SGCD: variants seen among roughly 807,000 people sequenced by gnomAD.
The protein encoded by SGCD is delta-sarcoglycan.
In SGCD, 18 loss-of-function variants were observed where a neutral mutation model predicts 36.6. That is an observed-to-expected ratio of 0.49 (90% CI 0.34 to 0.73). SGCD has a LOEUF of 0.73. Among genes scored for constraint, SGCD ranks in the 30% least tolerant of loss-of-function variants. The pLI, the probability that SGCD is intolerant of heterozygous loss-of-function variation, is 0.01. For synonymous variants in SGCD, 133 were observed against 130.6 expected, an observed-to-expected ratio of 1.02 and a Z score of -0.12; for missense variants, 387 against 346.7, an observed-to-expected ratio of 1.12 and a Z score of -0.92.
chr5:156,454,864 G>A (rs184008976), intron 3 of SGCD, among the ~76,000 whole-genome samples: 2 of 152,178 alleles, frequency 1.3e-5, no homozygotes, highest in African/African-American at 4.8e-5. Flanking sequence ...TGTTGCTGAG[G>A]AACTGTGTGC....
At chr5:156,285,439 G>C (rs1488156559) in intron 3 of SGCD, among the ~76,000 whole-genome samples, 3 of 152,184 alleles carry the variant, frequency 2.0e-5, no homozygotes. Context: ...CACGGCTACA[G>C]TAACCAAAAC....
chr5:156,003,713 A>C (rs1231583245), intron 1 of SGCD, among the ~76,000 whole-genome samples: 1 of 152,158 alleles, frequency 6.6e-6, no homozygotes, highest in East Asian at 1.9e-4. Flanking sequence ...TTAATATCTA[A>C]ATTTCATTTT....
intron 3 of SGCD, among the ~76,000 whole-genome samples, chr5:156,165,525 G>A (rs1455961201): frequency 2.0e-5 from 3 of 152,146 alleles, no homozygotes; most frequent in Admixed American, 6.5e-5. Flanking sequence ...TGTCAAAAAT[G>A]CAAGATGATG....
chr5:156,401,626 A>G (rs1430540493), intron 3 of SGCD, among the ~76,000 whole-genome samples: 1 of 152,116 alleles, frequency 6.6e-6, no homozygotes. Context: ...TTTATTGAGA[A>G]CTCACTATGT....
intron 1 of SGCD, among the ~76,000 whole-genome samples, chr5:155,906,681 G>C (rs939688793): frequency 1.3e-5 from 2 of 152,122 alleles, no homozygotes; most frequent in African/African-American, 4.8e-5. Flanking sequence ...GAAGACGAGA[G>C]AGGTAAGGAA....
intron 1 of SGCD, among the ~76,000 whole-genome samples, chr5:156,044,298 A>T (rs1561694259): frequency 1.3e-5 from 2 of 152,190 alleles, no homozygotes; most frequent in African/African-American, 4.8e-5. Context: ...AAAATCAAAA[A>T]GTTGTATTTC....
intron 7 of SGCD, among the ~76,000 whole-genome samples, chr5:156,735,310 G>A (rs906916162): frequency 6.6e-6 from 1 of 152,106 alleles, no homozygotes; most frequent in Non-Finnish European, 1.5e-5. Context: ...CAGTCAGCTT[G>A]GACTCTCCAA....
chr5:155,992,687 A>C (rs1483505922), intron 1 of SGCD, among the ~76,000 whole-genome samples: 1 of 152,106 alleles, frequency 6.6e-6, no homozygotes, highest in Non-Finnish European at 1.5e-5. Flanking sequence ...GCATAAAACA[A>C]CCAGTTTACT....
At chr5:155,794,551 A>G in the SGCD span, among the ~76,000 whole-genome samples, 1 of 152,008 alleles carries the variant, frequency 6.6e-6, no homozygotes, top group Non-Finnish European at 1.5e-5. Flanking sequence ...TTCCATAAAT[A>G]AATTTAACAT....
At chr5:156,468,665 G>C (rs1351416515) in intron 3 of SGCD, among the ~76,000 whole-genome samples, 3 of 152,036 alleles carry the variant, frequency 2.0e-5, no homozygotes, top group East Asian at 1.9e-4. Flanking sequence ...CATACAAATA[G>C]AACATACCAC....
At chr5:156,450,536 TAA>T (rs760472519) in intron 3 of SGCD, among the ~76,000 whole-genome samples, 11 of 120,164 alleles carry the variant, frequency 9.2e-5, no homozygotes, top group East Asian at 2.3e-4. Flanking sequence ...AGACATTCAT[TAA>T]AAAAAAAAAA....
chr5:156,320,123 G>GTGTT (rs1183440924), intron 3 of SGCD, among the ~76,000 whole-genome samples: 1 of 151,906 alleles, frequency 6.6e-6, no homozygotes, highest in Non-Finnish European at 1.5e-5. Flanking sequence ...GTGTGTGTGT[G>GTGTT]TGTGTGTGTG....
At chr5:156,312,620 C>G (rs888003360) in intron 3 of SGCD, among the ~76,000 whole-genome samples, 7 of 152,104 alleles carry the variant, frequency 4.6e-5, no homozygotes, top group Non-Finnish European at 8.8e-5. Context: ...TGAGTTGGAT[C>G]CCATCTTTAT....
At chr5:156,732,118 A>C (rs1003543263) in intron 7 of SGCD, among the ~76,000 whole-genome samples, 1 of 152,036 alleles carries the variant, frequency 6.6e-6, no homozygotes, top group Admixed American at 6.6e-5. Flanking sequence ...CTGTCTTCCT[A>C]TTTGAATGCC....
intron 7 of SGCD, among the ~76,000 whole-genome samples, chr5:156,753,528 C>CACT (rs1377452840): frequency 6.6e-6 from 1 of 152,130 alleles, no homozygotes; most frequent in Non-Finnish European, 1.5e-5. Context: ...TAGGAGTGTA[C>CACT]TAGTCCATTT....
intron 4 of SGCD, among the ~76,000 whole-genome samples, chr5:156,573,686 T>A (rs1010898668): frequency 1.3e-5 from 2 of 152,072 alleles, no homozygotes; most frequent in Non-Finnish European, 2.9e-5. Context: ...GATCTCTTCT[T>A]GTTATTTTTT....
intron 3 of SGCD, among the ~76,000 whole-genome samples, chr5:156,163,118 T>C (rs77890423): frequency 0.014 from 2,114 of 151,758 alleles, 94 homozygotes; most frequent in African/African-American, 0.039. Context: ...ACTATTGTTT[T>C]TTCTCCTTTC....
At chr5:155,906,725 TG>T (rs1756519214) in intron 1 of SGCD, among the ~76,000 whole-genome samples, 1 of 152,050 alleles carries the variant, frequency 6.6e-6, no homozygotes, top group African/African-American at 2.4e-5. Context: ...TAGCAGATGT[TG>T]GTTCATGAGG....
chr5:156,350,539 C>G (rs1769199608), intron 3 of SGCD, among the ~76,000 whole-genome samples: 1 of 152,010 alleles, frequency 6.6e-6, no homozygotes, highest in Non-Finnish European at 1.5e-5. Context: ...GTAAAGCAAT[C>G]TGGACAAGCA....
Sources: allele counts gnomAD v4.1 joint callset (sites outside exome capture counted in the v4.1 genomes callset), GRCh38; gene constraint gnomAD v4.1.1; transcripts MANE v1.5; gene names NCBI Gene and HGNC (gene_info 2026-07-23, HGNC 2026-07-21).